Variants in LEKR1 observed in about 807,000 individuals in gnomAD.
LEKR1 encodes protein LEKR1.
In LEKR1, 59 loss-of-function variants were observed where a neutral mutation model predicts 72.4. The ratio of observed to expected loss-of-function variants is 0.82; its 90% CI spans 0.66 to 1.01. LEKR1 has a LOEUF of 1.01. Among genes scored for constraint, LEKR1 ranks in the 50% least tolerant of loss-of-function variants. The pLI, the probability that LEKR1 is intolerant of heterozygous loss-of-function variation, is 0.00. For synonymous variants in LEKR1, 257 were observed against 263.2 expected (o/e 0.98, Z 0.23); for missense variants, 728 against 759.2 (o/e 0.96, Z 0.48).
intron 2 of LEKR1, among the ~76,000 whole-genome samples, chr3:156,841,719 C>G (rs1246091596): frequency 1.3e-5 from 2 of 152,168 alleles, no homozygotes; most frequent in Non-Finnish European, 2.9e-5. Flanking sequence ...ACAGTACCGT[C>G]TTTTAGAATA....
intron 3 of LEKR1, among the ~76,000 whole-genome samples, chr3:156,855,745 A>T (rs963398443): frequency 1.2e-4 from 18 of 152,324 alleles, no homozygotes; most frequent in Non-Finnish European, 2.1e-4. Context: ...GTGATAGCTC[A>T]TTGAAAGAAA....
At chr3:156,832,023 C>T (rs1467060207) in intron 2 of LEKR1, among the ~76,000 whole-genome samples, 1 of 152,192 alleles carries the variant, frequency 6.6e-6, no homozygotes, top group Non-Finnish European at 1.5e-5. Context: ...CTTCTTCCTG[C>T]TCACAGGGGC....
chr3:156,863,717 C>A (rs968152265), intron 3 of LEKR1, among the ~76,000 whole-genome samples: 1 of 152,008 alleles, frequency 6.6e-6, no homozygotes, highest in Admixed American at 6.6e-5. Context: ...TGATCAAATT[C>A]TTTATCTTTC....
At chr3:156,910,172 G>A (rs774337237) in intron 3 of LEKR1, among the ~76,000 whole-genome samples, 5 of 152,186 alleles carry the variant, frequency 3.3e-5, no homozygotes, top group South Asian at 2.1e-4. Flanking sequence ...CAGGGGGTAC[G>A]TGTGCAGGCT....
chr3:156,835,628 A>T (rs1576630207), intron 2 of LEKR1, among the ~76,000 whole-genome samples: 2 of 152,322 alleles, frequency 1.3e-5, no homozygotes, highest in South Asian at 2.1e-4. Context: ...GTCCCCAAGA[A>T]CATGGTTTTC....
At chr3:156,896,120 C>T (rs1721155168) in intron 3 of LEKR1, among the ~76,000 whole-genome samples, 1 of 152,112 alleles carries the variant, frequency 6.6e-6, no homozygotes. Context: ...GAAAACCAAG[C>T]ACCACGTGTT....
At chr3:156,935,907 C>T (rs1248172879) in intron 5 of LEKR1, among the ~76,000 whole-genome samples, 3 of 152,016 alleles carry the variant, frequency 2.0e-5, no homozygotes. Context: ...ATACATATTT[C>T]TATTGGATAT....
At chr3:157,015,898 A>C (rs1352053428) in intron 10 of LEKR1, among the ~76,000 whole-genome samples, 1 of 152,174 alleles carries the variant, frequency 6.6e-6, no homozygotes, top group Non-Finnish European at 1.5e-5. Flanking sequence ...GAGTTTTGAC[A>C]GATGAAAATT....
intron 9 of LEKR1, among the ~76,000 whole-genome samples, chr3:157,005,910 G>A (rs1732386311): frequency 6.6e-6 from 1 of 151,260 alleles, no homozygotes. Flanking sequence ...ATATACAAAT[G>A]ACCAATAAAA....
At chr3:156,880,207 G>A (rs2108551396) in intron 3 of LEKR1, among the ~76,000 whole-genome samples, 1 of 152,368 alleles carries the variant, frequency 6.6e-6, no homozygotes, top group Admixed American at 6.5e-5. Context: ...AGCCACAGGG[G>A]CGGAGCTGCC....
intron 3 of LEKR1, among the ~76,000 whole-genome samples, chr3:156,860,923 GT>G (rs1490189459): frequency 1.3e-5 from 2 of 152,144 alleles, no homozygotes; most frequent in Non-Finnish European, 2.9e-5. Flanking sequence ...CAGATATCAT[GT>G]TTAATTTCTA....
intron 2 of LEKR1, among the ~76,000 whole-genome samples, chr3:156,843,645 C>T (rs935602944): frequency 1.3e-5 from 2 of 152,104 alleles, no homozygotes; most frequent in South Asian, 4.1e-4. Flanking sequence ...GAAATTTATC[C>T]AGAATAACAG....
At chr3:156,898,595 T>C (rs1319361882) in intron 3 of LEKR1, among the ~76,000 whole-genome samples, 3 of 152,112 alleles carry the variant, frequency 2.0e-5, no homozygotes, top group Non-Finnish European at 4.4e-5. Context: ...CCATCCAATC[T>C]ATGCTATTTT....
intron 3 of LEKR1, among the ~76,000 whole-genome samples, chr3:156,854,782 G>A (rs62275162): frequency 0.032 from 4,807 of 150,960 alleles, 115 homozygotes; most frequent in Non-Finnish European, 0.048. Context: ...TCGAACTCCT[G>A]GGCTCAAGTA....
At chr3:156,835,142 T>C (rs1712936653) in intron 2 of LEKR1, among the ~76,000 whole-genome samples, 1 of 152,182 alleles carries the variant, frequency 6.6e-6, no homozygotes, top group South Asian at 2.1e-4. Flanking sequence ...CCCTAAACAA[T>C]TGTCAGCTAG....
At chr3:156,928,482 G>A (rs531700561) in intron 5 of LEKR1, among the ~76,000 whole-genome samples, 4 of 152,100 alleles carry the variant, frequency 2.6e-5, no homozygotes, top group Admixed American at 2.0e-4. Context: ...TTTTATTAAT[G>A]TTGAAAAATG....
At chr3:156,885,597 G>T (rs931908539) in intron 3 of LEKR1, among the ~76,000 whole-genome samples, 1 of 152,216 alleles carries the variant, frequency 6.6e-6, no homozygotes, top group Non-Finnish European at 1.5e-5. Flanking sequence ...AGTGGGGCTG[G>T]TGCTGTCCTG....
intron 4 of LEKR1, 101 bp from the exon 5 acceptor site, chr3:156,927,328 A>G (rs1175254070): frequency 2.9e-6 from 1 of 350,348 alleles, no homozygotes; most frequent in South Asian, 3.7e-5. Context: ...ATTGTCTCCA[A>G]TTAGACACTA....
intron 9 of LEKR1, among the ~76,000 whole-genome samples, chr3:157,000,785 G>T (rs1227942587): frequency 6.6e-6 from 1 of 152,164 alleles, no homozygotes; most frequent in Non-Finnish European, 1.5e-5. Flanking sequence ...TGCTGATATG[G>T]TTAGGCTTTG....
Sources: gnomAD v4.1 joint callset for allele counts (sites outside exome capture counted in the v4.1 genomes callset) on GRCh38, gnomAD v4.1.1 for gene constraint, MANE v1.5 for transcripts, NCBI Gene and HGNC (gene_info 2026-07-23, HGNC 2026-07-21) for gene names.